MTSS1: variants seen among roughly 807,000 people sequenced by gnomAD.
MTSS1 encodes the protein MTSS I-BAR domain containing 1, also known as protein MTSS 1.
A neutral mutation model predicts 79.0 loss-of-function variants in MTSS1; 18 were observed. That is an observed-to-expected ratio of 0.23 (90% CI 0.16 to 0.34). The LOEUF is 0.34. Ranked by LOEUF, MTSS1 falls within the 10% of genes least tolerant of loss-of-function variation. The pLI, the probability that MTSS1 is intolerant of heterozygous loss-of-function variation, is 1.00. For missense variants in MTSS1, 815 were observed against 986.2 expected (o/e 0.83, Z 2.33); for synonymous variants, 341 against 368.6 (o/e 0.93, Z 0.86).
rs73704190 is a variant in MTSS1 at position 124,684,465 on chromosome 8, C to T, written c.208+15061G>A. ...ATAAAGAAAAGAACGAATGACAAGG[C>T]GGCCATGTTTCAAGGAAGCAATGAG... On this transcript the variant is annotated intron_variant, in intron 3 of 13. Coordinates refer to ENST00000518547, the MANE Select transcript of MTSS1 (RefSeq NM_014751.6). 9.1e-4 allele frequency among the ~76,000 whole-genome samples: 138 copies of T among 152,240 alleles called. 1 individual carries two copies. The highest frequency in any genetic ancestry group is 3.2e-3 in the African/African-American group (131 of 41,526).
At chr8:124,688,070 G>A (rs1827277292) in intron 3 of MTSS1, among the ~76,000 whole-genome samples, 1 of 152,154 alleles carries the variant, frequency 6.6e-6, no homozygotes, top group South Asian at 2.1e-4. Flanking sequence ...AGGAAATGCT[G>A]CAGATTACCA....
At chr8:124,688,656 C>T (rs773635745) in intron 3 of MTSS1, among the ~76,000 whole-genome samples, 14 of 152,174 alleles carry the variant, frequency 9.2e-5, no homozygotes, top group Admixed American at 6.5e-5. Context: ...AACAAACAAG[C>T]AAACCAAAAT....
chr8:124,602,417 C>T (rs1347556905), intron 3 of MTSS1, among the ~76,000 whole-genome samples: 3 of 151,890 alleles, frequency 2.0e-5, no homozygotes, highest in Non-Finnish European at 4.4e-5. Flanking sequence ...CCAGGCTAGT[C>T]TTGAACTCCT....
chr8:124,652,420 C>A (rs1042881205), intron 3 of MTSS1, among the ~76,000 whole-genome samples: 2 of 152,128 alleles, frequency 1.3e-5, no homozygotes, highest in Non-Finnish European at 2.9e-5. Context: ...TCTGCCTCAG[C>A]CTCCCAAAGT....
intron 6 of MTSS1, among the ~76,000 whole-genome samples, chr8:124,571,077 G>A (rs1191544490): frequency 2.6e-5 from 4 of 152,170 alleles, no homozygotes; most frequent in Non-Finnish European, 5.9e-5. Flanking sequence ...TCTTCCTCAA[G>A]GATGTAGGAG....
chr8:124,646,272 G>C (rs1022882925), intron 3 of MTSS1, among the ~76,000 whole-genome samples: 2 of 152,084 alleles, frequency 1.3e-5, no homozygotes, highest in Admixed American at 6.6e-5. Flanking sequence ...CTCATCTTTA[G>C]CCAGTTACAT....
At chr8:124,680,721 C>G (rs941257477) in intron 3 of MTSS1, among the ~76,000 whole-genome samples, 7 of 152,190 alleles carry the variant, frequency 4.6e-5, no homozygotes, top group African/African-American at 1.7e-4. Context: ...ACTTAACAAC[C>G]TATTACATGT....
intron 7 of MTSS1, among the ~76,000 whole-genome samples, 156 bp from the exon 8 acceptor site, chr8:124,567,334 C>T (rs1449679060): frequency 6.6e-6 from 1 of 152,252 alleles, no homozygotes; most frequent in African/African-American, 2.4e-5. Context: ...GCACTACATG[C>T]CTTTTCTTTT....
chr8:124,628,878 G>A (rs2133757743), intron 3 of MTSS1, among the ~76,000 whole-genome samples: 1 of 152,314 alleles, frequency 6.6e-6, no homozygotes, highest in African/African-American at 2.4e-5. Flanking sequence ...GCCAGGTGGT[G>A]TCTAGCTCCG....
intron 3 of MTSS1, among the ~76,000 whole-genome samples, chr8:124,636,193 G>A (rs1477154469): frequency 6.6e-6 from 1 of 152,116 alleles, no homozygotes; most frequent in Non-Finnish European, 1.5e-5. Flanking sequence ...GCAGTGGCAC[G>A]ATCTCCGCTC....
At chr8:124,716,688 A>G (rs1219739728) in intron 1 of MTSS1, among the ~76,000 whole-genome samples, 1 of 152,178 alleles carries the variant, frequency 6.6e-6, no homozygotes, top group Non-Finnish European at 1.5e-5. Flanking sequence ...TAAAAATTAC[A>G]CACAGCAAGA....
chr8:124,554,323 G>A (rs1217796593), intron 13 of MTSS1, among the ~76,000 whole-genome samples: 1 of 152,126 alleles, frequency 6.6e-6, no homozygotes, highest in Non-Finnish European at 1.5e-5. Context: ...TTGTTATGGA[G>A]GACGTGGTGG....
chr8:124,710,136 ACTC>A lies in MTSS1; in HGVS notation c.73-5948_73-5946del, dbSNP rs1221232970. Among the ~76,000 whole-genome samples the A allele has an allele frequency of 2.6e-5, 4 of 152,214 alleles. No individual in the cohort carries two copies. In the East Asian group the frequency reaches 7.7e-4, roughly 29 times the overall value. On this transcript the variant is annotated intron_variant, in intron 1 of 13. Coordinates refer to ENST00000518547, the MANE Select transcript of MTSS1 (RefSeq NM_014751.6). ...CTGGAGTGACACATTTATGCTGGCC[ACTC>A]CTCCAGGCAGGACATGGGCGAAGTG...
rs1021740040 is a variant in MTSS1 at position 124,597,067 on chromosome 8, C to T, written c.209-5832G>A. Among the ~76,000 whole-genome samples the T allele has an allele frequency of 1.2e-4, 19 of 152,150 alleles. No individual in the cohort carries two copies. The highest frequency in any genetic ancestry group is 4.3e-4 in the African/African-American group (18 of 41,432). ...TGGGGGTGCGCCGCAGTCCACGGCC[C>T]ACATCCTACCGTGCAGCAAAAACTA... is the stretch of plus-strand genomic sequence containing the variant. On this transcript the variant is annotated intron_variant, in intron 3 of 13. Coordinates refer to ENST00000518547, the MANE Select transcript of MTSS1 (RefSeq NM_014751.6). This position sits in a 1 kb window ranked among gnomAD's most constrained non-coding sequence, Gnocchi z 4.6.
At position 124,660,032 on chromosome 8, in the gene MTSS1, T is replaced by C. The variant is rs183161882; in HGVS notation, c.208+39494A>G. Among the ~76,000 whole-genome samples, 3 of 152,250 alleles carry C rather than the reference T, an allele frequency of 2.0e-5. No individual in the cohort carries two copies. In the East Asian group the frequency reaches 5.8e-4, roughly 29 times the overall value. On this transcript the variant is annotated intron_variant, in intron 3 of 13. Transcript: ENST00000518547. ...ATAGAGTATTAGAAGCAGTCTCTTTTCACATACTGAAAAGTACCACCCCCC... is the reference window on the plus strand; with the variant it reads ...ATAGAGTATTAGAAGCAGTCTCTTTCCACATACTGAAAAGTACCACCCCCC...
intron 3 of MTSS1, among the ~76,000 whole-genome samples, chr8:124,670,094 T>C (rs1239300614): frequency 6.6e-6 from 1 of 152,060 alleles, no homozygotes; most frequent in East Asian, 1.9e-4. Context: ...TGAAAACAAA[T>C]AAGAATTTCA....
At chr8:124,615,265 A>T (rs1836632789) in intron 3 of MTSS1, among the ~76,000 whole-genome samples, 1 of 152,182 alleles carries the variant, frequency 6.6e-6, no homozygotes, top group Non-Finnish European at 1.5e-5. Context: ...CTCTCACCCC[A>T]AGGCAAATGG....
chr8:124,632,937 G>A lies in MTSS1; in HGVS notation c.209-41702C>T, dbSNP rs531447172. 5.9e-5 allele frequency among the ~76,000 whole-genome samples: 9 copies of A among 152,204 alleles called. No homozygotes were observed. In the East Asian group the frequency reaches 9.7e-4, roughly 16 times the overall value. On this transcript the variant is annotated intron_variant, in intron 3 of 13. Transcript: ENST00000518547. ...CCTGCCTTGGCCTCCCAAAGTGGTGGGATTACAGGCATGAGCCACCACACC... is the reference window on the plus strand; with the variant it reads ...CCTGCCTTGGCCTCCCAAAGTGGTGAGATTACAGGCATGAGCCACCACACC...
At position 124,572,743 on chromosome 8, in the gene MTSS1, C is replaced by CTTTT. The variant is rs747243821; in HGVS notation, c.461-4211_461-4208dup. ...TGGGCTACTTTCTTTCTTTTCTTTT[C>CTTTT]TTTTTTTTTTTTTTTTTGAGACAGA... On this transcript the variant is annotated intron_variant, in intron 6 of 13. Transcript: ENST00000518547. Among the ~76,000 whole-genome samples the CTTTT allele has an allele frequency of 5.9e-4, 73 of 123,668 alleles. 3 individuals carry two copies. The highest frequency in any genetic ancestry group is 1.5e-3 in the African/African-American group (48 of 32,774). The allele number at this position is 123,668 out of a possible 152,430, so 81.1% of individuals were successfully genotyped here. A position where few individuals can be genotyped will look rare whatever the true frequency, so the allele number is the denominator to read the frequency against.
Sources: gnomAD v4.1 joint callset for allele counts (sites outside exome capture counted in the v4.1 genomes callset) on GRCh38, gnomAD v4.1.1 for gene constraint, Gnocchi (gnomAD v3.1) non-coding constraint, MANE v1.5 for transcripts, NCBI Gene and HGNC (gene_info 2026-07-23, HGNC 2026-07-21) for gene names.